The following OXR1 variants were observed in gnomAD, a reference collection of about 807,000 sequenced individuals.
OXR1 encodes oxidation resistance protein 1.
OXR1 carries 41 observed loss-of-function variants against 104.6 expected under a neutral mutation model. That is an observed-to-expected ratio of 0.39 (90% CI 0.31 to 0.51). OXR1 has a LOEUF of 0.51. OXR1 is among the 20% of genes least tolerant of loss of function. OXR1 has a pLI of 0.77. For missense variants in OXR1, 955 were observed against 1,031.9 expected (o/e 0.93, Z 1.02); for synonymous variants, 348 against 348.4 (o/e 1.00, Z 0.01).
At chr8:106,547,282 C>T (rs1815433582) in intron 3 of OXR1, among the ~76,000 whole-genome samples, 1 of 152,164 alleles carries the variant, frequency 6.6e-6, no homozygotes, top group Non-Finnish European at 1.5e-5. Context: ...AAAATTGAAA[C>T]TTTGTGCCCA....
chr8:106,563,316 A>C (rs973642708), intron 3 of OXR1, among the ~76,000 whole-genome samples: 10 of 148,262 alleles, frequency 6.7e-5, no homozygotes, highest in Middle Eastern at 3.6e-3. Flanking sequence ...AAAAAAAAAG[A>C]AAAAAAAAGC....
chr8:106,725,672 TG>T (rs28924675), intron 11 of OXR1, among the ~76,000 whole-genome samples: 13,451 of 152,204 alleles, frequency 0.088, 818 homozygotes, highest in Non-Finnish European at 0.13. Flanking sequence ...CATATTGGCT[TG>T]GTTTTTACAC....
chr8:106,495,565 G>A (rs570142273), intron 2 of OXR1, among the ~76,000 whole-genome samples: 22 of 152,226 alleles, frequency 1.4e-4, no homozygotes, highest in African/African-American at 4.8e-4. Flanking sequence ...TTCTTTCTAC[G>A]TTTTGTAAAT....
At chr8:106,420,307 A>G (rs1357594588) in intron 2 of OXR1, among the ~76,000 whole-genome samples, 2 of 151,972 alleles carry the variant, frequency 1.3e-5, no homozygotes, top group East Asian at 3.9e-4. Context: ...ACTGAAGAAT[A>G]TATTTTTCTT....
At chr8:106,319,416 A>G (rs1814118744) in intron 1 of OXR1, among the ~76,000 whole-genome samples, 1 of 152,244 alleles carries the variant, frequency 6.6e-6, no homozygotes, top group Admixed American at 6.5e-5. Context: ...AAGGAAAGCA[A>G]TTTAACAGAA....
chr8:106,674,309 T>C (rs1426113631), intron 3 of OXR1, among the ~76,000 whole-genome samples: 2 of 152,250 alleles, frequency 1.3e-5, no homozygotes, highest in Non-Finnish European at 2.9e-5. Context: ...TAAGATTTAA[T>C]GACTGCCCTG....
At chr8:106,341,837 G>C (rs1236601541) in intron 1 of OXR1, among the ~76,000 whole-genome samples, 1 of 150,000 alleles carries the variant, frequency 6.7e-6, no homozygotes, top group Non-Finnish European at 1.5e-5. Context: ...TCTTTTTCTG[G>C]ACTAGGATCA....
chr8:106,609,469 A>G (rs990122871), intron 3 of OXR1, among the ~76,000 whole-genome samples: 5 of 152,130 alleles, frequency 3.3e-5, no homozygotes, highest in African/African-American at 1.2e-4. Context: ...ATAAGGAAAT[A>G]CTCTTTCAAA....
intron 3 of OXR1, among the ~76,000 whole-genome samples, chr8:106,519,659 T>C (rs1813116894): frequency 6.6e-6 from 1 of 152,188 alleles, no homozygotes; most frequent in African/African-American, 2.4e-5. Context: ...ACATTGTGGG[T>C]CTATTTTGAC....
intron 2 of OXR1, among the ~76,000 whole-genome samples, chr8:106,368,658 T>C (rs2130368074): frequency 6.6e-6 from 1 of 152,034 alleles, no homozygotes. Flanking sequence ...CGGTGTTTGG[T>C]TTTCTGTTCC....
chr8:106,490,934 T>G (rs1442923372), intron 2 of OXR1, among the ~76,000 whole-genome samples: 1 of 152,102 alleles, frequency 6.6e-6, no homozygotes, highest in Non-Finnish European at 1.5e-5. Context: ...ATATATACAT[T>G]TATATATTTA....
intron 3 of OXR1, among the ~76,000 whole-genome samples, chr8:106,542,603 G>T (rs1307117627): frequency 6.6e-6 from 1 of 151,942 alleles, no homozygotes; most frequent in Non-Finnish European, 1.5e-5. Context: ...TACGGGTTAG[G>T]CACCTATTTT....
intron 2 of OXR1, among the ~76,000 whole-genome samples, chr8:106,410,870 T>A (rs1818431184): frequency 6.6e-6 from 1 of 152,194 alleles, no homozygotes; most frequent in East Asian, 1.9e-4. Flanking sequence ...GTTGCATCTA[T>A]GGTTTTATAT....
intron 2 of OXR1, among the ~76,000 whole-genome samples, chr8:106,402,673 G>A (rs1586607952): frequency 6.6e-6 from 1 of 152,150 alleles, no homozygotes; most frequent in Non-Finnish European, 1.5e-5. Flanking sequence ...CTCAATGCAA[G>A]TTTACTGTAG....
chr8:106,351,376 T>C (rs934507021), intron 1 of OXR1, among the ~76,000 whole-genome samples: 3 of 152,046 alleles, frequency 2.0e-5, no homozygotes, highest in Admixed American at 6.6e-5. Context: ...TGAAAGAACA[T>C]AGGGGCTGCA....
chr8:106,444,615 T>C (rs1819937090), intron 2 of OXR1, among the ~76,000 whole-genome samples: 2 of 151,992 alleles, frequency 1.3e-5, no homozygotes, highest in South Asian at 4.2e-4. Context: ...CATGTTCTCA[T>C]TCATAAGTGG....
chr8:106,617,867 A>C (rs1262948768), intron 3 of OXR1: 1 of 193,890 alleles, frequency 5.2e-6, no homozygotes, highest in Non-Finnish European at 9.4e-6. Flanking sequence ...TTACAGTATC[A>C]ACTTAGTAAC....
At chr8:106,539,267 C>T (rs539878029) in intron 3 of OXR1, among the ~76,000 whole-genome samples, 3 of 152,232 alleles carry the variant, frequency 2.0e-5, no homozygotes, top group South Asian at 2.1e-4. Context: ...GTCTTACTGC[C>T]GTAATTTTAC....
At chr8:106,505,305 A>G (rs1279788728) in intron 2 of OXR1, among the ~76,000 whole-genome samples, 1 of 152,258 alleles carries the variant, frequency 6.6e-6, no homozygotes, top group Non-Finnish European at 1.5e-5. Context: ...TCATTGATTC[A>G]TGAACTGATT....
Sources: gnomAD v4.1 joint callset for allele counts (sites outside exome capture counted in the v4.1 genomes callset) on GRCh38, gnomAD v4.1.1 for gene constraint, MANE v1.5 for transcripts, NCBI Gene and HGNC (gene_info 2026-07-23, HGNC 2026-07-21) for gene names.